The following SHISAL1 variants were observed in gnomAD, a reference collection of about 807,000 sequenced individuals.
SHISAL1 encodes protein shisa-like-1.
A neutral mutation model predicts 22.6 loss-of-function variants in SHISAL1; 9 were observed. That is an observed-to-expected ratio of 0.40 (90% CI 0.24 to 0.70). The LOEUF is 0.70. Among genes scored for constraint, SHISAL1 ranks in the 30% least tolerant of loss-of-function variants. SHISAL1 has a pLI of 0.39. For missense variants in SHISAL1, 246 were observed against 270.6 expected (o/e 0.91, Z 0.64); for synonymous variants, 119 against 115.4 (o/e 1.03, Z -0.20).
At chr22:44,259,003 A>G (rs1378397198) in intron 4 of SHISAL1, among the ~76,000 whole-genome samples, 1 of 152,156 alleles carries the variant, frequency 6.6e-6, no homozygotes, top group Non-Finnish European at 1.5e-5. Context: ...CAAGGGTTGG[A>G]AACCAGAATG....
At chr22:44,261,094 T>C (rs1471272858) in intron 4 of SHISAL1, among the ~76,000 whole-genome samples, 2 of 132,668 alleles carry the variant, frequency 1.5e-5, no homozygotes, top group Non-Finnish European at 3.1e-5. Context: ...TATATATATA[T>C]ATATACACTA....
the SHISAL1 span, among the ~76,000 whole-genome samples, chr22:44,324,981 G>A: frequency 3.9e-5 from 6 of 152,176 alleles, no homozygotes; most frequent in African/African-American, 1.4e-4. Flanking sequence ...AGTGGCTCAT[G>A]CCTGTAATCC....
At chr22:44,330,053 T>G in the SHISAL1 span, among the ~76,000 whole-genome samples, 1 of 152,206 alleles carries the variant, frequency 6.6e-6, no homozygotes, top group Non-Finnish European at 1.5e-5. Flanking sequence ...AGCAGCGAGA[T>G]TCACAGGACA....
intron 1 of SHISAL1, among the ~76,000 whole-genome samples, chr22:44,306,770 G>A (rs546845956): frequency 4.2e-4 from 62 of 145,948 alleles, no homozygotes; most frequent in East Asian, 1.5e-3. Flanking sequence ...TGACGATGGC[G>A]TGTGCGGAGG....
upstream of SHISAL1, among the ~76,000 whole-genome samples, chr22:44,313,337 C>A (rs904115417): frequency 2.0e-5 from 3 of 152,240 alleles, no homozygotes; most frequent in African/African-American, 7.2e-5. Context: ...CTCTGGCCAG[C>A]ATGGCCCGGG....
At chr22:44,278,690 G>A (rs1305852336) in intron 4 of SHISAL1, among the ~76,000 whole-genome samples, 2 of 152,176 alleles carry the variant, frequency 1.3e-5, no homozygotes, top group Non-Finnish European at 2.9e-5. Flanking sequence ...AGGAGAAGGG[G>A]TGAGGAGAAA....
At chr22:44,253,425 A>ATTTTTTTTTTTTTTTTTTTTTTTTTTTT (rs1491154287) in intron 4 of SHISAL1, among the ~76,000 whole-genome samples, 2 of 107,884 alleles carry the variant, frequency 1.9e-5, no homozygotes, top group Non-Finnish European at 2.0e-5. Flanking sequence ...GTATTAGTGC[A>ATTTTTTTTTTTTTTTTTTTTTTTTTTTT]TGTTTTTTTT....
At position 44,250,028 on chromosome 22, in the gene SHISAL1, A is replaced by G. The variant is rs2055036399; in HGVS notation, c.*-343T>C. On this transcript the variant is annotated intron_variant, in intron 4 of 4. Coordinates refer to ENST00000381176, the MANE Select transcript of SHISAL1 (RefSeq NM_001099294.2). ...TTAATTAGTAGAATGGAGAGTGCAGACATAGACGTATAATAGTCAACCTAT... is the reference window on the plus strand; with the variant it reads ...TTAATTAGTAGAATGGAGAGTGCAGGCATAGACGTATAATAGTCAACCTAT... 2.6e-5 allele frequency among the ~76,000 whole-genome samples: 4 copies of G among 152,348 alleles called. No individual in the cohort carries two copies. The Middle Eastern group carries it at 0.01, about 389-fold the overall frequency.
chr22:44,308,603 C>G (rs1238555592), intron 1 of SHISAL1, among the ~76,000 whole-genome samples: 1 of 152,058 alleles, frequency 6.6e-6, no homozygotes, highest in Non-Finnish European at 1.5e-5. Context: ...GCTTCTGACA[C>G]TCTGACTTCC....
chr22:44,250,564 T>G (rs1300771084), intron 4 of SHISAL1, among the ~76,000 whole-genome samples: 1 of 152,168 alleles, frequency 6.6e-6, no homozygotes, highest in Non-Finnish European at 1.5e-5. Flanking sequence ...AATTGCCCAG[T>G]CACAAATACT....
chr22:44,266,536 G>GTGTGTGTGTGTGTGTGTGTA (rs1569211381), intron 4 of SHISAL1, among the ~76,000 whole-genome samples: 2 of 140,980 alleles, frequency 1.4e-5, no homozygotes, highest in Non-Finnish European at 3.0e-5. Context: ...GTATGTGTGT[G>GTGTGTGTGTGTGTGTGTGTA]TGTGTGTGTG....
intron 2 of SHISAL1, among the ~76,000 whole-genome samples, chr22:44,297,558 C>T (rs1007333276): frequency 1.4e-4 from 21 of 152,266 alleles, no homozygotes; most frequent in African/African-American, 5.1e-4. Flanking sequence ...AAGGGCCTGC[C>T]TCAGTCACCC....
intron 2 of SHISAL1, among the ~76,000 whole-genome samples, chr22:44,300,661 C>T (rs562123535): frequency 4.6e-5 from 7 of 151,956 alleles, no homozygotes; most frequent in South Asian, 2.1e-4. Flanking sequence ...CCCAGGGCTG[C>T]GGTGCACAGT....
At chr22:44,316,191 C>G (rs2147316380), upstream of SHISAL1, among the ~76,000 whole-genome samples, 1 of 152,256 alleles carries the variant, frequency 6.6e-6, no homozygotes, top group Admixed American at 6.5e-5. Flanking sequence ...ACGTGGTGCA[C>G]CCTGGGGAGA....
the SHISAL1 span, among the ~76,000 whole-genome samples, chr22:44,323,681 A>G: frequency 6.6e-6 from 1 of 150,392 alleles, no homozygotes. Context: ...CCATCCATCC[A>G]TCCATCCATC....
chr22:44,317,448 C>T, upstream of SHISAL1, among the ~76,000 whole-genome samples: 1 of 152,306 alleles, frequency 6.6e-6, no homozygotes, highest in East Asian at 1.9e-4. Context: ...TTCTTGAGCC[C>T]TTGCAAACCC....
intron 4 of SHISAL1, among the ~76,000 whole-genome samples, chr22:44,253,092 A>C (rs2055060079): frequency 6.6e-6 from 1 of 152,114 alleles, no homozygotes; most frequent in African/African-American, 2.4e-5. Context: ...AGAAGTACTT[A>C]ATACCCCTGA....
intron 3 of SHISAL1, among the ~76,000 whole-genome samples, chr22:44,289,082 T>C (rs1370529909): frequency 6.6e-6 from 1 of 152,238 alleles, no homozygotes; most frequent in Non-Finnish European, 1.5e-5. Flanking sequence ...GCATGTCTTG[T>C]GCGCCAGCAG....
At chr22:44,266,598 GGT>G (rs1226700774) in intron 4 of SHISAL1, among the ~76,000 whole-genome samples, 1 of 150,866 alleles carries the variant, frequency 6.6e-6, no homozygotes, top group African/African-American at 2.4e-5. Flanking sequence ...TGGAGGCTCT[GGT>G]GTGTGTGTTG....
Sources: allele counts gnomAD v4.1 joint callset (sites outside exome capture counted in the v4.1 genomes callset), GRCh38; gene constraint gnomAD v4.1.1; transcripts MANE v1.5; gene names NCBI Gene and HGNC (gene_info 2026-07-23, HGNC 2026-07-21).